SCN9A: variants seen among roughly 807,000 people sequenced by gnomAD.
The protein encoded by SCN9A is sodium channel protein type 9 subunit alpha.
Under a neutral mutation model 187.0 loss-of-function variants are expected in SCN9A, and 131 were observed. The observed-to-expected ratio is 0.70, with a 90% CI of 0.61 to 0.81. The LOEUF (loss-of-function observed/expected upper bound fraction) is 0.81. Among genes scored for constraint, SCN9A ranks in the 30% least tolerant of loss-of-function variants. SCN9A has a pLI of 0.00. For synonymous variants in SCN9A, 809 were observed against 808.6 expected, an observed-to-expected ratio of 1.00 and a Z score of -0.01; for missense variants, 2,252 against 2,396.6, an observed-to-expected ratio of 0.94 and a Z score of 1.26.
intron 1 of SCN9A, among the ~76,000 whole-genome samples, chr2:166,360,219 C>CAA (rs1251018524): frequency 0.018 from 432 of 23,928 alleles, 11 homozygotes; most frequent in Non-Finnish European, 0.022. Flanking sequence ...AACTCTGTCT[C>CAA]AAAAAAAAAA....
chr2:166,281,459 C>T (rs58651307), intron 13 of SCN9A, among the ~76,000 whole-genome samples: 1 of 151,916 alleles, frequency 6.6e-6, no homozygotes. Flanking sequence ...GTCATTTTTG[C>T]CATGTTATCA....
chr2:166,205,434 G>A (rs1432092000), intron 24 of SCN9A, among the ~76,000 whole-genome samples: 1 of 152,174 alleles, frequency 6.6e-6, no homozygotes, highest in Non-Finnish European at 1.5e-5. Flanking sequence ...TTTAATAAAT[G>A]ATGCTGGGAA....
chr2:166,245,419 A>T lies in SCN9A; in HGVS notation c.3473-2763T>A, dbSNP rs563946072. Among the ~76,000 whole-genome samples, 8 of 152,096 alleles carry T rather than the reference A, an allele frequency of 5.3e-5. No individual in the cohort carries two copies. The East Asian group carries it at 9.7e-4, about 18-fold the overall frequency. Reference sequence around the variant, plus strand: ...GGTAGAGGAGAAAACTTTGAAGTAGATGAAATGAGAGATGAACAAGAAGGA... The same window carrying T: ...GGTAGAGGAGAAAACTTTGAAGTAGTTGAAATGAGAGATGAACAAGAAGGA... On this transcript the variant is annotated intron_variant, in intron 18 of 26. Coordinates refer to ENST00000642356, the MANE Select transcript of SCN9A (RefSeq NM_001365536.1).
In SCN9A at chr2:166,280,345, T is replaced by G; in HGVS notation, c.2343+12A>C. The G allele has an allele frequency of 7.0e-7, 1 of 1,427,904 alleles. No individual in the cohort carries two copies. The highest frequency in any genetic ancestry group is 1.4e-5 in the African/African-American group (1 of 70,918). The allele number at this position is 1,427,904 out of a possible 1,614,324, so 88.5% of individuals were successfully genotyped here. A position where few individuals can be genotyped will look rare whatever the true frequency, so the allele number is the denominator to read the frequency against. The stretch of plus-strand genomic sequence containing the variant: ...GAAACTATGAGTACATAACACACAA[T>G]AAGAGACTTACCAAATTTCCTATAG... On this transcript the variant is annotated intron_variant, in intron 14 of 26. Coordinates refer to ENST00000642356, the MANE Select transcript of SCN9A (RefSeq NM_001365536.1).
chr2:166,287,671 C>T lies in SCN9A; in HGVS notation c.1314+766G>A, dbSNP rs544689913. 1.1e-4 allele frequency among the ~76,000 whole-genome samples: 16 copies of T among 152,088 alleles called. No individual in the cohort carries two copies. In the South Asian group the frequency reaches 3.3e-3, roughly 31 times the overall value. The stretch of plus-strand genomic sequence containing the variant: ...ATTTGAAATTATGTTTCTCTTAGTA[C>T]AAGCCTTCTCAAACATTTACACTGA... On this transcript the variant is annotated intron_variant, in intron 10 of 26. Transcript: ENST00000642356.
intron 8 of SCN9A, among the ~76,000 whole-genome samples, chr2:166,294,160 C>T (rs1246007884): frequency 6.6e-6 from 1 of 152,130 alleles, no homozygotes; most frequent in Non-Finnish European, 1.5e-5. Flanking sequence ...GTACCCAAGT[C>T]CAAGGAATCC....
chr2:166,299,305 CTCT>C (rs1350024840), intron 7 of SCN9A, among the ~76,000 whole-genome samples: 2 of 150,506 alleles, frequency 1.3e-5, no homozygotes, highest in Non-Finnish European at 2.9e-5. Context: ...TCTTTCTGAC[CTCT>C]TCTTTTCACC....
chr2:166,313,510 C>T (rs939891445), intron 1 of SCN9A, among the ~76,000 whole-genome samples: 2 of 152,058 alleles, frequency 1.3e-5, no homozygotes, highest in African/African-American at 4.8e-5. Context: ...CATGGGGTAC[C>T]GTCTGCCAGC....
chr2:166,238,240 T>C lies in SCN9A; in HGVS notation c.3655A>G (p.Lys1219Glu). ...TCCAGGATAATCTTAATGGTCTTTT[T>C]CCTTTCAATATAAATATCTTCAAAA... ...LAFEDIYIER[K>E]KTIKIILEYA... The change falls in exon 20 of 27, where the codon AAA (lysine) becomes GAA (glutamate). Residue 1219 changes from lysine to glutamate, a missense_variant. Transcript: ENST00000642356. 1 of 1,586,018 alleles carries C rather than the reference T, an allele frequency of 6.3e-7. No individual in the cohort carries two copies. Among genetic ancestry groups the C allele is most frequent in the Non-Finnish European group, 8.6e-7 (1 of 1,166,468 alleles).
In SCN9A at chr2:166,273,782, T is replaced by C. The variant is rs57733707; in HGVS notation, c.2875-907A>G. ...TTGGCATTTGATGTAAGTCTTTTCATGGCCCAAATCATCTACCTCATGTTT... is the reference window on the plus strand; with the variant it reads ...TTGGCATTTGATGTAAGTCTTTTCACGGCCCAAATCATCTACCTCATGTTT... On this transcript the variant is annotated intron_variant, in intron 16 of 26. Transcript: ENST00000642356. 6.9e-3 allele frequency among the ~76,000 whole-genome samples: 1,049 copies of C among 152,294 alleles called. 9 individuals are homozygous for C. Among genetic ancestry groups the C allele is most frequent in the African/African-American group, 0.024 (998 of 41,580 alleles).
intron 1 of SCN9A, among the ~76,000 whole-genome samples, chr2:166,322,568 A>G (rs1016309460): frequency 6.6e-6 from 1 of 152,160 alleles, no homozygotes; most frequent in East Asian, 1.9e-4. Flanking sequence ...TTTTGCACAT[A>G]ATGAACACGT....
intron 24 of SCN9A, among the ~76,000 whole-genome samples, chr2:166,215,308 G>T (rs1050882106): frequency 3.3e-5 from 5 of 151,848 alleles, no homozygotes; most frequent in African/African-American, 1.2e-4. Context: ...AGCCCTGAGA[G>T]AAAAATTTAT....
intron 1 of SCN9A, among the ~76,000 whole-genome samples, chr2:166,363,733 GAACTGT>G (rs1700346499): frequency 6.6e-6 from 1 of 151,950 alleles, no homozygotes; most frequent in African/African-American, 2.4e-5. Context: ...GTCAGAGTTA[GAACTGT>G]AAATTTCTAA....
At chr2:166,243,599 C>T (rs916479818) in intron 18 of SCN9A, among the ~76,000 whole-genome samples, 4 of 151,620 alleles carry the variant, frequency 2.6e-5, no homozygotes, top group Non-Finnish European at 5.9e-5. Flanking sequence ...TTCCAGGCAG[C>T]AAAAATTGTT....
chr2:166,278,394 G>T, intron 14 of SCN9A, 81 bp from the exon 15 acceptor site: 1 of 1,177,960 alleles, frequency 8.5e-7, no homozygotes, highest in Non-Finnish European at 1.2e-6. Context: ...TGTTTGCTTA[G>T]CATTTACTGT....
At position 166,303,145 on chromosome 2, in the gene SCN9A, A is replaced by G. The variant is rs748301976; in HGVS notation, c.846T>C (p.Asn282=). 2 of 1,611,392 alleles carry G rather than the reference A, an allele frequency of 1.2e-6. No individual in the cohort carries two copies. ...KHKCFRNSLE[N]NETLESIMNT... ...TCATTATGCTTTCTAATGTTTCATT[A>G]TTTTCAAGTGAATTTCGAAAACATT... Residue 282 remains asparagine, a synonymous_variant, in exon 7 of 27, where the codon AAT becomes AAC. Transcript: ENST00000642356.
intron 1 of SCN9A, among the ~76,000 whole-genome samples, chr2:166,329,554 G>A (rs1362329859): frequency 7.7e-6 from 1 of 129,084 alleles, no homozygotes; most frequent in East Asian, 2.1e-4. Flanking sequence ...CATTTTTGTT[G>A]TTTGTTATTG....
chr2:166,243,094 C>A (rs1442175926), intron 18 of SCN9A, among the ~76,000 whole-genome samples: 1 of 152,032 alleles, frequency 6.6e-6, no homozygotes, highest in Non-Finnish European at 1.5e-5. Flanking sequence ...CCTTTCTAAA[C>A]AATATTGAGA....
chr2:166,238,710 T>C (rs1248985807), intron 19 of SCN9A, among the ~76,000 whole-genome samples: 2 of 152,190 alleles, frequency 1.3e-5, no homozygotes, highest in African/African-American at 4.8e-5. Context: ...TCTCAAATGC[T>C]TGTGCATCCC....
Sources: gnomAD v4.1 joint callset for allele counts (sites outside exome capture counted in the v4.1 genomes callset) on GRCh38, gnomAD v4.1.1 for gene constraint, MANE v1.5 for transcripts, NCBI Gene and HGNC (gene_info 2026-07-23, HGNC 2026-07-21) for gene names.